Variants in USP6 observed in about 807,000 individuals in gnomAD.
USP6 encodes the protein ubiquitin carboxyl-terminal hydrolase 6.
USP6 carries 128 observed loss-of-function variants against 175.7 expected under a neutral mutation model. The ratio of observed to expected loss-of-function variants is 0.73; its 90% CI spans 0.63 to 0.84. USP6 has a LOEUF of 0.84. USP6 is among the 40% of genes least tolerant of loss of function. The probability of loss-of-function intolerance (pLI) is 0.00; values close to 1 mark genes in which losing one functional copy is unlikely to be tolerated. For missense variants in USP6, 1,498 were observed against 1,760.3 expected (o/e 0.85, Z 2.67); for synonymous variants, 562 against 630.6 (o/e 0.89, Z 1.63).
intron 4 of USP6, 95 bp from the exon 5 acceptor site, chr17:5,124,471 C>T (rs996124690): frequency 6.6e-6 from 1 of 152,270 alleles, no homozygotes; most frequent in Non-Finnish European, 1.5e-5. Flanking sequence ...GGATGGATTC[C>T]TGTCTACCCT....
rs764994453 is a variant in USP6 at position 5,162,896 on chromosome 17, C to T, written c.2928C>T (p.Gly976=). 1.5e-5 allele frequency: 24 copies of T among 1,602,950 alleles called. No individual in the cohort carries two copies. Among genetic ancestry groups the T allele is most frequent in the Non-Finnish European group, 2.0e-5 (23 of 1,177,580 alleles). Reference sequence around the variant, plus strand: ...CCCCCCTTTTTAGATTTTGCAGAGGCTGTAAAATTGATTGTGGGGAAGACA... The same window carrying T: ...CCCCCCTTTTTAGATTTTGCAGAGGTTGTAAAATTGATTGTGGGGAAGACA... ...AWCPQYRFCR[G]CKIDCGEDRA... Residue 976 remains glycine (G), a synonymous_variant, in exon 33 of 38, where the codon GGC becomes GGT. Transcript: ENST00000574788.
Position 5,155,470 on chromosome 17 carries a change from C to G in USP6, c.2692C>G (p.Leu898Val). 3.1e-6 allele frequency: 5 copies of G among 1,614,138 alleles called. No individual in the cohort carries two copies. The highest frequency in any genetic ancestry group is 2.5e-6 in the Non-Finnish European group (3 of 1,180,032). Residue 898 changes from leucine to valine, a missense_variant, in exon 31 of 38, where the codon CTC (leucine) becomes GTC (valine). Leu to Val is a conservative substitution (Grantham distance 32). This residue lies in a region of USP6 where 1,217 missense variants were observed against 1,500.8 expected (regional missense o/e 0.81). Coordinates refer to ENST00000574788, the MANE Select transcript of USP6 (RefSeq NM_001304284.2). Reference sequence around the variant, plus strand: ...GTCACCTCAGGAGAATCGCCCCAGCCTCTTTGGAATGCCATTGATTGTTCC... The same window carrying G: ...GTCACCTCAGGAGAATCGCCCCAGCGTCTTTGGAATGCCATTGATTGTTCC... ...FLSPQENRPS[L>V]FGMPLIVPCT... is the part of the protein sequence containing the mutation.
intron 25 of USP6, among the ~76,000 whole-genome samples, chr17:5,143,968 G>C (rs1024471909): frequency 6.6e-6 from 1 of 152,034 alleles, no homozygotes; most frequent in African/African-American, 2.4e-5. Context: ...TGAAACTAAT[G>C]AATATAAGTT....
At chr17:5,163,128 T>C in intron 33 of USP6, 124 bp downstream of exon 33, 1 of 1,371,364 alleles carries the variant, frequency 7.3e-7, no homozygotes, top group Non-Finnish European at 9.7e-7. Context: ...TGGCATCCTC[T>C]ATGGCACCTA....
At chr17:5,163,080 C>G in intron 33 of USP6, 76 bp downstream of exon 33, 1 of 1,463,924 alleles carries the variant, frequency 6.8e-7, no homozygotes, top group Non-Finnish European at 9.0e-7. Flanking sequence ...TATGCCATTT[C>G]TGTTTGACAA....
In USP6 at chr17:5,125,692, A is replaced by G. The variant is rs1331667550; in HGVS notation, c.-591-129A>G. 1.2e-3 allele frequency: 181 copies of G among 151,018 alleles called. 1 individual carries two copies. The East Asian group carries it at 0.021, about 18-fold the overall frequency. The allele number at this position is 151,018 out of a possible 1,614,324, so 9.4% of individuals were successfully genotyped here. On this transcript the variant is annotated intron_variant, in intron 5 of 37. Transcript: ENST00000574788. Reference sequence around the variant, plus strand: ...CACACGCACATGCACACACACACACACACACACACACACACACACACACAC... The same window carrying G: ...CACACGCACATGCACACACACACACGCACACACACACACACACACACACAC...
intron 29 of USP6, 149 bp downstream of exon 29, chr17:5,147,343 T>G: frequency 7.0e-6 from 7 of 1,004,310 alleles, no homozygotes; most frequent in Non-Finnish European, 9.7e-6. Flanking sequence ...TTCCATATTT[T>G]TTCGATGAGA....
Position 5,141,488 on chromosome 17 carries a change from A to T in USP6, c.1562A>T (p.Asp521Val). Residue 521 changes from aspartate (D) to valine (V), a missense_variant, in exon 23 of 38, where the codon GAT becomes GTT. Coordinates refer to ENST00000574788, the MANE Select transcript of USP6 (RefSeq NM_001304284.2). ...TTTACAGCAAATAGTAGTAAAATAG[A>T]TAGACAAAAGGGTAAGTCTCCAGTA... is the stretch of plus-strand genomic sequence containing the variant. ...MSFTANSSKI[D>V]RQKVPTEKGA... The T allele has an allele frequency of 6.2e-7, 1 of 1,602,178 alleles. No homozygotes were observed. The highest frequency in any genetic ancestry group is 8.5e-7 in the Non-Finnish European group (1 of 1,175,742).
intron 9 of USP6, 64 bp downstream of exon 9, chr17:5,130,153 G>A (rs2073016228): frequency 1.8e-5 from 10 of 568,946 alleles, no homozygotes; most frequent in Non-Finnish European, 2.5e-5. Flanking sequence ...CACTCTTCTC[G>A]AGTCCTTGGG....
At chr17:5,123,441 C>T (rs1006401272) in intron 4 of USP6, among the ~76,000 whole-genome samples, 1 of 151,996 alleles carries the variant, frequency 6.6e-6, no homozygotes, top group African/African-American at 2.4e-5. Flanking sequence ...CCAGTGAGTG[C>T]CAGGGGCGGG....
chr17:5,165,899 C>G (rs1166938589), intron 33 of USP6, among the ~76,000 whole-genome samples: 1 of 152,176 alleles, frequency 6.6e-6, no homozygotes, highest in Admixed American at 6.5e-5. Flanking sequence ...AGCCATCTTT[C>G]CTCCCTGTCT....
At position 5,142,117 on chromosome 17, in the gene USP6, G is replaced by A; in HGVS notation, c.1688G>A (p.Gly563Glu). The part of the protein sequence containing the change: ...TQPLTQYFIS[G>E]RHLYELNRTN... ...CCACTGACACAGTATTTTATCTCAG[G>A]GAGACATCTTTATGAACTCAACAGG... Residue 563 changes from glycine (G) to glutamate (E), a missense_variant, in exon 24 of 38, where the codon GGG (glycine) becomes GAG (glutamate). Coordinates refer to ENST00000574788, the MANE Select transcript of USP6 (RefSeq NM_001304284.2). 6.2e-7 allele frequency: 1 copy of A among 1,613,054 alleles called. No individual in the cohort carries two copies. Among genetic ancestry groups the A allele is most frequent in the Non-Finnish European group, 8.5e-7 (1 of 1,179,610 alleles).
chr17:5,138,056 C>T (rs1046867637), intron 20 of USP6, 65 bp from the exon 21 acceptor site: 1 of 1,612,304 alleles, frequency 6.2e-7, no homozygotes, highest in African/African-American at 1.3e-5. Flanking sequence ...CTGAAGTGGC[C>T]ACAGGGTATG....
In USP6 at chr17:5,168,830, A is replaced by C; in HGVS notation, c.3292A>C (p.Arg1098=). 3.1e-6 allele frequency: 5 copies of C among 1,611,350 alleles called. No homozygotes were observed. Among genetic ancestry groups the C allele is most frequent in the Non-Finnish European group, 4.2e-6 (5 of 1,179,028 alleles). ...DQWIKSQKIV[R]FLRESFDPSA... ...GTGGATAAAATCACAGAAAATTGTC[A>C]GATTTCTTCGGGAAAGTTTTGATCC... is the stretch of plus-strand genomic sequence containing the variant. The change falls in exon 35 of 38, where the codon AGA becomes CGA. Residue 1098 remains arginine (R), a synonymous_variant. Coordinates refer to ENST00000574788, the MANE Select transcript of USP6 (RefSeq NM_001304284.2).
intron 15 of USP6, chr17:5,134,307 T>C (rs1598005061): frequency 2.8e-6 from 1 of 351,470 alleles, no homozygotes; most frequent in Non-Finnish European, 5.4e-6. Flanking sequence ...CACAGGAGGG[T>C]GGCAGGATGG....
rs942018007 is a variant in USP6 at position 5,155,503 on chromosome 17, G to C, written c.2725G>C (p.Val909Leu). 11 of 1,613,920 alleles carry C rather than the reference G, an allele frequency of 6.8e-6. No individual in the cohort carries two copies. The highest frequency in any genetic ancestry group is 1.3e-5 in the African/African-American group (1 of 74,880). The change falls in exon 31 of 38, where the codon GTG (valine) becomes CTG (leucine). Residue 909 changes from valine to leucine, a missense_variant. This residue lies in a region of USP6 where 1,217 missense variants were observed against 1,500.8 expected (regional missense o/e 0.81). Coordinates refer to ENST00000574788, the MANE Select transcript of USP6 (RefSeq NM_001304284.2). ...AATGCCATTGATTGTTCCATGCACTGTGCATACCCGGAAGAAAGACCTATA... is the reference window on the plus strand; with the variant it reads ...AATGCCATTGATTGTTCCATGCACTCTGCATACCCGGAAGAAAGACCTATA... Reference protein sequence around the residue: ...FGMPLIVPCTVHTRKKDLYDA... With the variant: ...FGMPLIVPCTLHTRKKDLYDA...
At position 5,132,861 on chromosome 17, in the gene USP6, T is replaced by C; in HGVS notation, c.196-49T>C. On this transcript the variant is annotated intron_variant, in intron 12 of 37. Transcript: ENST00000574788. This position sits in a 1 kb window ranked among gnomAD's most constrained non-coding sequence, Gnocchi z 4.7. ...CCAAGACTCAGCATCCATGGGCGGC[T>C]CTGGGAAGCCTGGCAGCTCCACTAA... The C allele has an allele frequency of 6.2e-7, 1 of 1,608,984 alleles. No homozygotes were observed. The highest frequency in any genetic ancestry group is 8.5e-7 in the Non-Finnish European group (1 of 1,175,480).
At chr17:5,149,660 C>T (rs556718542) in intron 30 of USP6, among the ~76,000 whole-genome samples, 57 of 151,692 alleles carry the variant, frequency 3.8e-4, no homozygotes, top group African/African-American at 1.3e-3. Context: ...CACATAAACG[C>T]GGATGGCTTT....
At chr17:5,171,788 AT>A (rs1291597272) in intron 37 of USP6, 109 bp downstream of exon 37, 1 of 1,190,810 alleles carries the variant, frequency 8.4e-7, no homozygotes, top group Non-Finnish European at 1.2e-6. Flanking sequence ...TTCTGTTAGA[AT>A]TAATATATAG....
Sources: gnomAD v4.1 joint callset for allele counts (sites outside exome capture counted in the v4.1 genomes callset) on GRCh38, gnomAD v4.1.1 for gene constraint, gnomAD v4.1.1 regional missense constraint, Gnocchi (gnomAD v3.1) non-coding constraint, MANE v1.5 for transcripts, NCBI Gene and HGNC (gene_info 2026-07-23, HGNC 2026-07-21) for gene names.